Variants in CRPPA observed in about 807,000 individuals in gnomAD.
The protein encoded by CRPPA is D-ribitol-5-phosphate cytidylyltransferase.
A neutral mutation model predicts 52.0 loss-of-function variants in CRPPA; 43 were observed. That is an observed-to-expected ratio of 0.83 (90% confidence interval 0.65 to 1.07). CRPPA has a LOEUF of 1.07. Ranked by LOEUF, CRPPA falls within the 50% of genes least tolerant of loss-of-function variation. The probability of loss-of-function intolerance (pLI) is 0.00; values close to 1 mark genes in which losing one functional copy is unlikely to be tolerated. For missense variants in CRPPA, 629 were observed against 551.7 expected (o/e 1.14, Z -1.40); for synonymous variants, 250 against 203.5 (o/e 1.23, Z -1.94).
intron 3 of CRPPA, among the ~76,000 whole-genome samples, chr7:16,311,737 T>G (rs1429451547): frequency 2.6e-5 from 4 of 152,126 alleles, no homozygotes; most frequent in African/African-American, 9.7e-5. Context: ...TCACTTTGCA[T>G]TTGCATTTTA....
chr7:16,389,928 A>AAAT, intron 2 of CRPPA, among the ~76,000 whole-genome samples: 22 of 29,760 alleles, frequency 7.4e-4, no homozygotes, highest in East Asian at 5.5e-3. Flanking sequence ...AAAAAAAAAA[A>AAAT]ATATATATAT....
chr7:16,327,316 G>C (rs977394390), intron 3 of CRPPA, among the ~76,000 whole-genome samples: 3 of 152,146 alleles, frequency 2.0e-5, no homozygotes, highest in Non-Finnish European at 4.4e-5. Flanking sequence ...TCCAAGGCCG[G>C]GCGCGGTGGC....
chr7:16,261,793 C>T (rs1472293518), intron 6 of CRPPA: 1 of 151,910 alleles, frequency 6.6e-6, no homozygotes, highest in Non-Finnish European at 1.5e-5. Flanking sequence ...CATTCATTTT[C>T]TTGGATTTCA....
Position 16,298,026 on chromosome 7 carries a change from T to C in CRPPA, c.835+3395A>G, listed in dbSNP as rs762017640. Reference sequence around the variant, plus strand: ...AATATACAGCTCTCATAGTATGCTATATGCTCTGTTATATTTTGGAATTTT... The same window carrying C: ...AATATACAGCTCTCATAGTATGCTACATGCTCTGTTATATTTTGGAATTTT... On this transcript the variant is annotated intron_variant, in intron 5 of 9. Coordinates refer to ENST00000407010, the MANE Select transcript of CRPPA (RefSeq NM_001101426.4). Among the ~76,000 whole-genome samples, 74 of 152,226 alleles carry C rather than the reference T, an allele frequency of 4.9e-4. 1 individual carries two copies. The highest frequency in any genetic ancestry group is 9.6e-4 in the Non-Finnish European group (65 of 68,038).
intron 6 of CRPPA, among the ~76,000 whole-genome samples, chr7:16,271,227 T>A (rs533876285): frequency 6.6e-6 from 1 of 152,262 alleles, no homozygotes; most frequent in East Asian, 1.9e-4. Flanking sequence ...AGGAGTTCCA[T>A]TCTTTTATTA....
chr7:16,330,759 C>T lies in CRPPA; in HGVS notation c.685-22132G>A, dbSNP rs147888670. Among the ~76,000 whole-genome samples, 539 of 152,222 alleles carry T rather than the reference C, an allele frequency of 3.5e-3. 1 individual carries two copies. Among genetic ancestry groups the T allele is most frequent in the Non-Finnish European group, 5.9e-3 (400 of 68,020 alleles). On this transcript the variant is annotated intron_variant, in intron 3 of 9. Transcript: ENST00000407010. ...AAAATAAAAAAAATTGTTTTAAATA[C>T]TCCAGAGGCTGCTCTTCTTAGCAAG...
At chr7:16,131,378 A>T (rs1782678018) in intron 9 of CRPPA, among the ~76,000 whole-genome samples, 2 of 152,216 alleles carry the variant, frequency 1.3e-5, no homozygotes, top group African/African-American at 4.8e-5. Context: ...AGGGAAAAGT[A>T]ATTCTAATGA....
intron 9 of CRPPA, among the ~76,000 whole-genome samples, chr7:16,154,059 G>T (rs928113538): frequency 2.7e-5 from 4 of 149,458 alleles, no homozygotes; most frequent in African/African-American, 9.9e-5. Flanking sequence ...ATCTCGTATG[G>T]TCAAGTAAAC....
At chr7:16,123,995 T>C (rs1037309199) in intron 9 of CRPPA, among the ~76,000 whole-genome samples, 6 of 152,158 alleles carry the variant, frequency 3.9e-5, no homozygotes, top group Non-Finnish European at 8.8e-5. Flanking sequence ...CTATTGTGAA[T>C]AGAGCTGCAA....
At chr7:16,370,569 G>T (rs1176428802) in intron 3 of CRPPA, among the ~76,000 whole-genome samples, 4 of 152,058 alleles carry the variant, frequency 2.6e-5, no homozygotes, top group African/African-American at 9.7e-5. Context: ...AAAGGGAGAG[G>T]GCACTACATC....
chr7:16,382,555 G>A (rs948033175), intron 2 of CRPPA, among the ~76,000 whole-genome samples: 10 of 152,002 alleles, frequency 6.6e-5, no homozygotes, highest in African/African-American at 2.4e-4. Context: ...CTAGATTGGG[G>A]AAGTTCTCCT....
rs553959440 is a variant in CRPPA, at chr7:16,370,740, T to C, written c.684+5352A>G. ...AACAGGCAGGCAGCCTCTGTAATCA[T>C]GAAGGGTTTTGGAGAAGGGGTCCTT... On this transcript the variant is annotated intron_variant, in intron 3 of 9. Transcript: ENST00000407010. Among the ~76,000 whole-genome samples the C allele has an allele frequency of 2.6e-5, 4 of 152,200 alleles. No homozygotes were observed. In the East Asian group the frequency reaches 7.8e-4, roughly 30 times the overall value.
intron 8 of CRPPA, among the ~76,000 whole-genome samples, chr7:16,224,501 T>C (rs1782599213): frequency 6.6e-6 from 1 of 152,148 alleles, no homozygotes; most frequent in Non-Finnish European, 1.5e-5. Context: ...TATACCTAAA[T>C]AATGCACTGC....
intron 8 of CRPPA, among the ~76,000 whole-genome samples, chr7:16,227,225 T>C (rs1219231834): frequency 6.6e-6 from 1 of 151,970 alleles, no homozygotes; most frequent in African/African-American, 2.4e-5. Context: ...TTTGAAATAA[T>C]GATTTCATTT....
chr7:16,189,890 A>G lies in CRPPA; in HGVS notation c.1251+26176T>C, dbSNP rs1781573399. On this transcript the variant is annotated intron_variant, in intron 9 of 9. Coordinates refer to ENST00000407010, the MANE Select transcript of CRPPA (RefSeq NM_001101426.4). The stretch of plus-strand genomic sequence containing the variant: ...TCCTCTACAAATATGTCATTGCTTT[A>G]GTCTTTTAAAACTGAATATGTTGAT... Among the ~76,000 whole-genome samples the G allele has an allele frequency of 3.3e-5, 5 of 152,176 alleles. No individual in the cohort carries two copies. The South Asian group carries it at 1.0e-3, about 31-fold the overall frequency.
rs368885610 is a variant in CRPPA, at chr7:16,382,891, G to T, written c.535-6650C>A. On this transcript the variant is annotated intron_variant, in intron 2 of 9. Transcript: ENST00000407010. ...TATTGGTTATTCTAGTTATACATTCGTCTAAATTTTTTTCAAAGTTTTTAA... is the reference window on the plus strand; with the variant it reads ...TATTGGTTATTCTAGTTATACATTCTTCTAAATTTTTTTCAAAGTTTTTAA... 9.7e-3 allele frequency among the ~76,000 whole-genome samples: 1,477 copies of T among 152,126 alleles called. 10 individuals carry two copies. Among genetic ancestry groups the T allele is most frequent in the Middle Eastern group, 0.02 (6 of 294 alleles).
rs141336316 is a variant in CRPPA at position 16,144,599 on chromosome 7, C to T, written c.1252-52800G>A. ...GGAGTTTATCTAAATAGCTTGTTTACTCAAGTTGTCCTAAAACCGACCTTT... is the reference window on the plus strand; with the variant it reads ...GGAGTTTATCTAAATAGCTTGTTTATTCAAGTTGTCCTAAAACCGACCTTT... On this transcript the variant is annotated intron_variant, in intron 9 of 9. Transcript: ENST00000407010. Among the ~76,000 whole-genome samples, 9 of 152,304 alleles carry T rather than the reference C, an allele frequency of 5.9e-5. No individual in the cohort carries two copies. The East Asian group carries it at 1.5e-3, about 26-fold the overall frequency.
chr7:16,385,125 T>C lies in CRPPA; in HGVS notation c.535-8884A>G, dbSNP rs147573860. ...ATAGACGTAATACAATCCAAACAAA[T>C]GAGAAAAAAAGGATGAAGATAAATG... On this transcript the variant is annotated intron_variant, in intron 2 of 9. Transcript: ENST00000407010. 3.0e-3 allele frequency among the ~76,000 whole-genome samples: 452 copies of C among 148,562 alleles called. 2 individuals carry two copies. The highest frequency in any genetic ancestry group is 0.01 in the African/African-American group (410 of 40,160).
rs1248237160 is a variant in CRPPA at position 16,216,086 on chromosome 7, G to A, written c.1231C>T (p.Leu411Phe). The change falls in exon 9 of 10, where the codon CTT becomes TTT. Residue 411 changes from leucine to phenylalanine, a missense_variant. Physicochemically the swap from Leu to Phe is conservative, Grantham distance 22. Transcript: ENST00000407010. ...VKERNILLYGLLISYPQDDQK... is the reference protein window; with the variant it reads ...VKERNILLYGFLISYPQDDQK... ...CCTACCTGTGGGTAAGATATGAGAA[G>A]CCCATATAACAAAATATTTCTTTCT... 6.3e-7 allele frequency: 1 copy of A among 1,594,712 alleles called. No individual in the cohort carries two copies. The highest frequency in any genetic ancestry group is 2.2e-5 in the East Asian group (1 of 44,484).
Sources: allele counts gnomAD v4.1 joint callset (sites outside exome capture counted in the v4.1 genomes callset), GRCh38; gene constraint gnomAD v4.1.1; transcripts MANE v1.5; gene names NCBI Gene and HGNC (gene_info 2026-07-23, HGNC 2026-07-21).